TNR: variants seen among roughly 807,000 people sequenced by gnomAD.
TNR encodes tenascin-R.
TNR carries 45 observed loss-of-function variants against 150.4 expected under a neutral mutation model. That is an observed-to-expected ratio of 0.30 (90% CI 0.24 to 0.38). The LOEUF (loss-of-function observed/expected upper bound fraction) is 0.38, where lower values mean the gene tolerates loss of function less well. Among genes scored for constraint, TNR ranks in the 10% least tolerant of loss-of-function variants. The probability of loss-of-function intolerance (pLI) is 1.00; values close to 1 mark genes in which losing one functional copy is unlikely to be tolerated. For synonymous variants in TNR, 687 were observed against 678.4 expected (o/e 1.01, Z -0.20); for missense variants, 1,544 against 1,759.1 (o/e 0.88, Z 2.19).
At chr1:175,337,255 C>T (rs895349851) in intron 19 of TNR, among the ~76,000 whole-genome samples, 3 of 152,180 alleles carry the variant, frequency 2.0e-5, no homozygotes, top group Admixed American at 6.5e-5. Context: ...CCAACAGACC[C>T]GCGACTGCCT....
At chr1:175,488,819 C>G (rs539791672) in intron 2 of TNR, among the ~76,000 whole-genome samples, 32 of 152,252 alleles carry the variant, frequency 2.1e-4, no homozygotes, top group Non-Finnish European at 4.0e-4. Flanking sequence ...TTTGCCAGGT[C>G]CCCGAAGGGT....
Position 175,324,500 on chromosome 1 carries a change from A to G in TNR, c.3813T>C (p.His1271=), listed in dbSNP as rs143464512. The G allele has an allele frequency of 8.1e-6, 13 of 1,613,860 alleles. No homozygotes were observed. Among genetic ancestry groups the G allele is most frequent in the Non-Finnish European group, 1.1e-5 (13 of 1,179,924 alleles). The part of the protein sequence containing the change: ...NGTAGDSLSY[H]QGRPFSTEDR... ...CCTCTGTGGAGAAAGGGCGTCCTTG[A>G]TGATAGCTGAGGGAGTCCCCTGCAA... is the stretch of plus-strand genomic sequence containing the variant. Residue 1271 remains histidine (H), a synonymous_variant, in exon 22 of 23, where the codon CAT becomes CAC. Transcript: ENST00000367674.
chr1:175,533,120 T>G (rs906218057), intron 1 of TNR, among the ~76,000 whole-genome samples: 2 of 152,242 alleles, frequency 1.3e-5, no homozygotes, highest in African/African-American at 4.8e-5. Context: ...TTTCTCTTTC[T>G]TGTACCTACC....
intron 2 of TNR, among the ~76,000 whole-genome samples, chr1:175,525,903 G>A (rs990349114): frequency 3.9e-5 from 6 of 152,124 alleles, no homozygotes; most frequent in African/African-American, 1.4e-4. Context: ...GGGTAGCCAG[G>A]TGCCTAGTTT....
At chr1:175,353,287 T>TA (rs989043705) in intron 18 of TNR, among the ~76,000 whole-genome samples, 4 of 152,190 alleles carry the variant, frequency 2.6e-5, no homozygotes, top group African/African-American at 9.7e-5. Context: ...TCCTCATTTG[T>TA]AAAAAATAGA....
intron 5 of TNR, among the ~76,000 whole-genome samples, chr1:175,395,895 A>T (rs1653404819): frequency 6.6e-6 from 1 of 152,224 alleles, no homozygotes; most frequent in African/African-American, 2.4e-5. Flanking sequence ...ATGTATAAAA[A>T]AAACTGTTCA....
intron 2 of TNR, among the ~76,000 whole-genome samples, chr1:175,429,085 C>T (rs1476909190): frequency 6.6e-6 from 1 of 152,084 alleles, no homozygotes; most frequent in African/African-American, 2.4e-5. Context: ...TTTCATGGTG[C>T]TCTAGAATAT....
chr1:175,417,985 A>G (rs1193470456), intron 2 of TNR, among the ~76,000 whole-genome samples: 3 of 152,174 alleles, frequency 2.0e-5, no homozygotes, highest in Non-Finnish European at 4.4e-5. Flanking sequence ...TGTCTTTTAG[A>G]GCATTAAATA....
intron 2 of TNR, among the ~76,000 whole-genome samples, chr1:175,498,625 T>C (rs1333537742): frequency 6.6e-6 from 1 of 152,208 alleles, no homozygotes; most frequent in East Asian, 1.9e-4. Flanking sequence ...TTTTTCTTCC[T>C]AGCATAGGCA....
chr1:175,503,077 C>CCCG (rs1262862866), intron 2 of TNR, among the ~76,000 whole-genome samples: 1 of 151,494 alleles, frequency 6.6e-6, no homozygotes, highest in Non-Finnish European at 1.5e-5. Context: ...AATAGGATGC[C>CCCG]CCGCCGCAGT....
intron 15 of TNR, among the ~76,000 whole-genome samples, chr1:175,358,933 T>C (rs2102008489): frequency 6.6e-6 from 1 of 152,266 alleles, no homozygotes; most frequent in South Asian, 2.1e-4. Flanking sequence ...TCAGTGTTTT[T>C]CTTGCTCTGC....
rs74127381 is a variant in TNR at position 175,638,292 on chromosome 1, T to C, written c.-165+104934A>G. Reference sequence around the variant, plus strand: ...AAATTACAAAAAGTTTCTTAGTCACTGACAATAACCAACTGTGGCACTCTT... The same window carrying C: ...AAATTACAAAAAGTTTCTTAGTCACCGACAATAACCAACTGTGGCACTCTT... On this transcript the variant is annotated intron_variant, in intron 1 of 22. Coordinates refer to ENST00000367674, the MANE Select transcript of TNR (RefSeq NM_003285.3). Among the ~76,000 whole-genome samples, 304 of 152,308 alleles carry C rather than the reference T, an allele frequency of 2.0e-3. 2 individuals are homozygous for C. Among genetic ancestry groups the C allele is most frequent in the African/African-American group, 7.1e-3 (294 of 41,574 alleles).
At chr1:175,549,293 T>C (rs1660840807) in intron 1 of TNR, among the ~76,000 whole-genome samples, 1 of 152,226 alleles carries the variant, frequency 6.6e-6, no homozygotes, top group South Asian at 2.1e-4. Context: ...GTCAAGTTTG[T>C]TGTAATGTCT....
At chr1:175,567,005 C>A (rs942007281) in intron 1 of TNR, among the ~76,000 whole-genome samples, 1 of 152,100 alleles carries the variant, frequency 6.6e-6, no homozygotes, top group South Asian at 2.1e-4. Context: ...TTCCACAAAA[C>A]CATTACTCAT....
intron 21 of TNR, among the ~76,000 whole-genome samples, chr1:175,328,759 G>A (rs1649553594): frequency 6.6e-6 from 1 of 152,124 alleles, no homozygotes; most frequent in Non-Finnish European, 1.5e-5. Context: ...AACAGAGGGA[G>A]CAAGGGCCAG....
At chr1:175,382,640 T>G (rs859429) in intron 8 of TNR, among the ~76,000 whole-genome samples, 102,871 of 152,102 alleles carry the variant, frequency 0.68, 34,979 homozygotes, top group East Asian at 0.82. Flanking sequence ...GGTGGCTCAC[T>G]CCTGTAATCC....
chr1:175,587,093 A>T (rs1043271165), intron 1 of TNR, among the ~76,000 whole-genome samples: 6 of 152,232 alleles, frequency 3.9e-5, no homozygotes, highest in Non-Finnish European at 8.8e-5. Context: ...GCATTACGTC[A>T]ACATGACTTT....
At chr1:175,727,694 G>A (rs943925824) in intron 1 of TNR, among the ~76,000 whole-genome samples, 1 of 152,176 alleles carries the variant, frequency 6.6e-6, no homozygotes, top group Non-Finnish European at 1.5e-5. Context: ...TGTGGTCCAG[G>A]GCACTTGGGG....
rs760781149 is a variant in TNR at position 175,359,357 on chromosome 1, G to T, written c.2974+255C>A. Among the ~76,000 whole-genome samples the T allele has an allele frequency of 4.0e-4, 60 of 151,868 alleles. No individual in the cohort carries two copies. In the Middle Eastern group the frequency reaches 0.01, roughly 26 times the overall value. On this transcript the variant is annotated intron_variant, in intron 15 of 22. Transcript: ENST00000367674. Reference sequence around the variant, plus strand: ...GATGGGGTTTCACCATGTAGGCCAGGCTGGTCTTGAACTCCTTACCTCAAG... The same window carrying T: ...GATGGGGTTTCACCATGTAGGCCAGTCTGGTCTTGAACTCCTTACCTCAAG...
Sources: allele counts gnomAD v4.1 joint callset (sites outside exome capture counted in the v4.1 genomes callset), GRCh38; gene constraint gnomAD v4.1.1; transcripts MANE v1.5; gene names NCBI Gene and HGNC (gene_info 2026-07-23, HGNC 2026-07-21).